Variants in COLQ observed in about 807,000 individuals in gnomAD.
COLQ encodes collagen like tail subunit of asymmetric acetylcholinesterase.
Under a neutral mutation model 69.0 loss-of-function variants are expected in COLQ, and 48 were observed. The ratio of observed to expected loss-of-function variants is 0.70; its 90% CI spans 0.55 to 0.88. The LOEUF (loss-of-function observed/expected upper bound fraction) is 0.88. Among genes scored for constraint, COLQ ranks in the 40% least tolerant of loss-of-function variants. The pLI, the probability that COLQ is intolerant of heterozygous loss-of-function variation, is 0.00. For missense variants in COLQ, 618 were observed against 594.6 expected (o/e 1.04, Z -0.41); for synonymous variants, 217 against 211.2 (o/e 1.03, Z -0.24).
chr3:15,487,131 A>G (rs1206332156), intron 3 of COLQ, among the ~76,000 whole-genome samples: 2 of 152,182 alleles, frequency 1.3e-5, no homozygotes, highest in African/African-American at 4.8e-5. Context: ...AAAGTAGGTC[A>G]TTGTGGCAGA....
rs143127879 is a variant in COLQ at position 15,508,496 on chromosome 3, A to G, written c.106+13024T>C. Among the ~76,000 whole-genome samples, 812 of 152,368 alleles carry G rather than the reference A, an allele frequency of 5.3e-3. 7 individuals are homozygous for G. Among genetic ancestry groups the G allele is most frequent in the Non-Finnish European group, 8.3e-3 (563 of 68,044 alleles). ...CCATTTGTATAACAAGTAGCCAAGC[A>G]TATTGTAGGCGGTACAATAAATACT... On this transcript the variant is annotated intron_variant, in intron 1 of 16. Coordinates refer to ENST00000383788, the MANE Select transcript of COLQ (RefSeq NM_005677.4).
Position 15,451,554 on chromosome 3 carries a change from G to A in COLQ, c.*90C>T, listed in dbSNP as rs746964365. On this transcript the variant is annotated 3_prime_UTR_variant, in exon 17 of 17. Coordinates refer to ENST00000383788, the MANE Select transcript of COLQ (RefSeq NM_005677.4). ...TTGTTTTTGTCACACAAAGGTTGGT[G>A]GAGACGGGGCCAGGACATGGCCAGT... 1 of 1,202,222 alleles carries A rather than the reference G, an allele frequency of 8.3e-7. No individual in the cohort carries two copies. Among genetic ancestry groups the A allele is most frequent in the Non-Finnish European group, 1.2e-6 (1 of 803,706 alleles). The allele number at this position is 1,202,222 out of a possible 1,614,324, so 74.5% of individuals were successfully genotyped here. A position where few individuals can be genotyped will look rare whatever the true frequency, so the allele number is the denominator to read the frequency against.
chr3:15,513,971 C>T (rs1338738762), intron 1 of COLQ, among the ~76,000 whole-genome samples: 1 of 152,172 alleles, frequency 6.6e-6, no homozygotes, highest in Non-Finnish European at 1.5e-5. Flanking sequence ...TTATAAGAGA[C>T]AGGCAGAGGA....
At chr3:15,463,270 C>T (rs1200442974) in intron 12 of COLQ, among the ~76,000 whole-genome samples, 1 of 1,232 alleles carries the variant, frequency 8.1e-4, no homozygotes, top group African/African-American at 1.1e-3. Flanking sequence ...CCACATCCAC[C>T]AATCCCATTG....
intron 1 of COLQ, among the ~76,000 whole-genome samples, chr3:15,493,858 C>T (rs2062707034): frequency 1.3e-5 from 2 of 152,186 alleles, no homozygotes; most frequent in Admixed American, 1.3e-4. Flanking sequence ...CTGAGGTGGG[C>T]AGATCACTTG....
intron 1 of COLQ, among the ~76,000 whole-genome samples, chr3:15,516,011 G>C (rs946599220): frequency 6.6e-6 from 1 of 151,962 alleles, no homozygotes; most frequent in Non-Finnish European, 1.5e-5. Flanking sequence ...TTATCAGAAG[G>C]GAAAGTCTCC....
intron 4 of COLQ, 34 bp from the exon 5 acceptor site, chr3:15,479,037 C>T (rs753339715): frequency 1.9e-4 from 312 of 1,613,824 alleles, no homozygotes; most frequent in Non-Finnish European, 2.6e-4. Context: ...GGAGAGGCTG[C>T]TTTGGAAGAG....
chr3:15,470,219 G>A (rs1045577377), intron 11 of COLQ, among the ~76,000 whole-genome samples: 1 of 152,188 alleles, frequency 6.6e-6, no homozygotes, highest in South Asian at 2.1e-4. Flanking sequence ...GGTTTTCTGG[G>A]TAAATGACCA....
At chr3:15,480,418 G>A (rs995417577) in intron 3 of COLQ, among the ~76,000 whole-genome samples, 3 of 151,704 alleles carry the variant, frequency 2.0e-5, no homozygotes, top group Non-Finnish European at 2.9e-5. Context: ...ACCTATGAGT[G>A]AGAACATGCG....
At chr3:15,484,018 A>C (rs1020051533) in intron 3 of COLQ, among the ~76,000 whole-genome samples, 3 of 150,564 alleles carry the variant, frequency 2.0e-5, no homozygotes, top group Non-Finnish European at 4.4e-5. Context: ...CTGTTTTATC[A>C]GAGACTAGGA....
At chr3:15,512,326 C>T (rs151111988) in intron 1 of COLQ, among the ~76,000 whole-genome samples, 33 of 152,314 alleles carry the variant, frequency 2.2e-4, no homozygotes, top group Admixed American at 9.8e-4. Flanking sequence ...TCTCCTTCAG[C>T]TGTCACCAGC....
At chr3:15,455,849 AC>A (rs2062016183) in intron 15 of COLQ, 49 bp downstream of exon 15, 10 of 1,611,712 alleles carry the variant, frequency 6.2e-6, no homozygotes, top group Admixed American at 3.3e-5. Flanking sequence ...CCTGAGTCCC[AC>A]CCCCCTGCTG....
At chr3:15,509,755 G>A (rs1444242099) in intron 1 of COLQ, among the ~76,000 whole-genome samples, 5 of 152,198 alleles carry the variant, frequency 3.3e-5, no homozygotes, top group African/African-American at 1.2e-4. Flanking sequence ...CCAAGGTCCT[G>A]TGGAGTTGGG....
At chr3:15,490,828 A>G (rs190199489) in intron 1 of COLQ, among the ~76,000 whole-genome samples, 1 of 152,370 alleles carries the variant, frequency 6.6e-6, no homozygotes, top group African/African-American at 2.4e-5. Flanking sequence ...GTTATCTTCT[A>G]TTAAAGCTGA....
At chr3:15,519,193 T>C (rs575507924) in intron 1 of COLQ, among the ~76,000 whole-genome samples, 71 of 152,252 alleles carry the variant, frequency 4.7e-4, no homozygotes, top group African/African-American at 1.6e-3. Flanking sequence ...TTCCATTGTT[T>C]TCCCTAATGT....
chr3:15,505,265 G>A (rs1265394755), intron 1 of COLQ, among the ~76,000 whole-genome samples: 1 of 152,116 alleles, frequency 6.6e-6, no homozygotes, highest in African/African-American at 2.4e-5. Context: ...CATATAAGAA[G>A]TTATTCTCTT....
chr3:15,521,417 A>G, intron 1 of COLQ, 103 bp downstream of exon 1: 1 of 1,483,650 alleles, frequency 6.7e-7, no homozygotes, highest in Non-Finnish European at 9.2e-7. Context: ...CCCTCCACCA[A>G]CAGTTGAATG....
At chr3:15,498,822 CT>C in intron 1 of COLQ, 1 of 1,447,784 alleles carries the variant, frequency 6.9e-7, no homozygotes, top group Non-Finnish European at 9.1e-7. Flanking sequence ...ATGAACACTG[CT>C]GTAGGGGAGG....
intron 1 of COLQ, chr3:15,496,255 A>G (rs146164077): frequency 2.3e-4 from 29 of 128,378 alleles, no homozygotes; most frequent in African/African-American, 7.3e-4. Context: ...CTTTCTTCCC[A>G]GCAGGGGAAG....
Sources: gnomAD v4.1 joint callset for allele counts (sites outside exome capture counted in the v4.1 genomes callset) on GRCh38, gnomAD v4.1.1 for gene constraint, MANE v1.5 for transcripts, NCBI Gene and HGNC (gene_info 2026-07-23, HGNC 2026-07-21) for gene names.